The following XYLT1 variants were observed in gnomAD, a reference collection of about 807,000 sequenced individuals.
XYLT1 encodes the protein beta-D-xylosyltransferase 1.
XYLT1 carries 36 observed loss-of-function variants against 91.3 expected under a neutral mutation model. The ratio of observed to expected loss-of-function variants is 0.39; its 90% confidence interval spans 0.30 to 0.52. The LOEUF (loss-of-function observed/expected upper bound fraction) is 0.52. Ranked by LOEUF, XYLT1 falls within the 20% of genes least tolerant of loss-of-function variation. The pLI is 0.68. For missense variants in XYLT1, 1,242 were observed against 1,284.5 expected (o/e 0.97, Z 0.51); for synonymous variants, 588 against 532.0 (o/e 1.11, Z -1.45).
intron 1 of XYLT1, among the ~76,000 whole-genome samples, chr16:17,438,629 T>C (rs901279212): frequency 6.6e-6 from 1 of 152,028 alleles, no homozygotes; most frequent in African/African-American, 2.4e-5. Flanking sequence ...AAAAGAGATT[T>C]AATTGACTCA....
chr16:17,191,249 T>C (rs2032303550), intron 5 of XYLT1, among the ~76,000 whole-genome samples: 2 of 152,228 alleles, frequency 1.3e-5, no homozygotes, highest in Non-Finnish European at 2.9e-5. Context: ...GTGCTACATA[T>C]ACATTTGCTG....
At chr16:17,368,354 G>T (rs1472295991) in intron 1 of XYLT1, among the ~76,000 whole-genome samples, 1 of 152,280 alleles carries the variant, frequency 6.6e-6, no homozygotes, top group South Asian at 2.1e-4. Context: ...CCTGCAGCCT[G>T]TCCCCTCAAC....
intron 2 of XYLT1, among the ~76,000 whole-genome samples, chr16:17,320,230 G>A (rs960059432): frequency 2.0e-5 from 3 of 152,180 alleles, no homozygotes; most frequent in African/African-American, 7.2e-5. Flanking sequence ...GTTTTGATTA[G>A]CAGTGTATTT....
Position 17,467,075 on chromosome 16 carries a change from G to A in XYLT1, c.363+3359C>T, listed in dbSNP as rs544367754. ...GAGTTATCTGAGTAATGTGAAGCAT[G>A]AGGAATTTCTGCCGAAAAATCAACA... On this transcript the variant is annotated intron_variant, in intron 1 of 11. Coordinates refer to ENST00000261381, the MANE Select transcript of XYLT1 (RefSeq NM_022166.4). 1.1e-4 allele frequency among the ~76,000 whole-genome samples: 16 copies of A among 152,200 alleles called. 1 individual carries two copies. The highest frequency in any genetic ancestry group is 1.8e-4 in the Non-Finnish European group (12 of 68,028).
chr16:17,417,272 G>A (rs11863647), intron 1 of XYLT1, among the ~76,000 whole-genome samples: 2,426 of 152,196 alleles, frequency 0.016, 67 homozygotes, highest in African/African-American at 0.056. Context: ...TATTTTACAT[G>A]GGAGAAAAAT....
At chr16:17,214,463 G>A (rs2032818571) in intron 3 of XYLT1, among the ~76,000 whole-genome samples, 1 of 152,156 alleles carries the variant, frequency 6.6e-6, no homozygotes, top group Non-Finnish European at 1.5e-5. Context: ...TGAACCTGGG[G>A]CATTATGTCT....
intron 1 of XYLT1, among the ~76,000 whole-genome samples, chr16:17,399,722 C>G (rs560849080): frequency 2.8e-4 from 43 of 152,320 alleles, no homozygotes; most frequent in African/African-American, 8.9e-4. Flanking sequence ...GGTGTCATCC[C>G]CATGGCAAAA....
intron 2 of XYLT1, among the ~76,000 whole-genome samples, chr16:17,357,386 C>G (rs1014390309): frequency 1.3e-5 from 2 of 152,102 alleles, no homozygotes; most frequent in African/African-American, 4.8e-5. Context: ...GGTGGAATTC[C>G]ACCTGGCTCT....
chr16:17,307,316 C>A (rs188452177), intron 2 of XYLT1, among the ~76,000 whole-genome samples: 1 of 152,162 alleles, frequency 6.6e-6, no homozygotes, highest in Non-Finnish European at 1.5e-5. Flanking sequence ...ACCTCGTGAT[C>A]GGCCCGCTTC....
chr16:17,367,562 T>C (rs1434860691), intron 1 of XYLT1, among the ~76,000 whole-genome samples: 2 of 152,246 alleles, frequency 1.3e-5, no homozygotes, highest in South Asian at 2.1e-4. Flanking sequence ...CCAATGATAC[T>C]ATGTGACTTC....
At chr16:17,454,919 C>G (rs879479125) in intron 1 of XYLT1, among the ~76,000 whole-genome samples, 2 of 104,142 alleles carry the variant, frequency 1.9e-5, no homozygotes, top group Admixed American at 8.8e-5. Flanking sequence ...CCCCGCCCCC[C>G]CCCGCAACTA....
At chr16:17,300,750 C>T (rs933914795) in intron 2 of XYLT1, among the ~76,000 whole-genome samples, 4 of 151,924 alleles carry the variant, frequency 2.6e-5, no homozygotes, top group African/African-American at 9.7e-5. Flanking sequence ...TGAACCACCG[C>T]GCCCAGCCTA....
At chr16:17,174,333 C>T (rs2031892905) in intron 5 of XYLT1, among the ~76,000 whole-genome samples, 1 of 152,118 alleles carries the variant, frequency 6.6e-6, no homozygotes, top group Non-Finnish European at 1.5e-5. Context: ...TTCATGGCAG[C>T]ACTACTCACA....
At position 17,401,962 on chromosome 16, in the gene XYLT1, C is replaced by T. The variant is rs185977043; in HGVS notation, c.364-43912G>A. ...TGCATCAACGCAGTGGTGAATTATG[C>T]GCTAATTAGCAGGATCAGCAGAGAG... On this transcript the variant is annotated intron_variant, in intron 1 of 11. Coordinates refer to ENST00000261381, the MANE Select transcript of XYLT1 (RefSeq NM_022166.4). 2.6e-3 allele frequency among the ~76,000 whole-genome samples: 398 copies of T among 152,158 alleles called. 2 individuals are homozygous for T. Among genetic ancestry groups the T allele is most frequent in the South Asian group, 4.6e-3 (22 of 4,832 alleles).
At chr16:17,321,342 C>CT (rs10606202) in intron 2 of XYLT1, among the ~76,000 whole-genome samples, 1,496 of 43,578 alleles carry the variant, frequency 0.034, 438 homozygotes, top group East Asian at 0.13. Flanking sequence ...ACTAACTAGC[C>CT]TTTTTTTTTT....
intron 5 of XYLT1, among the ~76,000 whole-genome samples, chr16:17,161,437 AC>A (rs796777178): frequency 6.6e-6 from 1 of 151,336 alleles, no homozygotes; most frequent in Non-Finnish European, 1.5e-5. Flanking sequence ...ACCCCTGCCT[AC>A]CCCCCTTGCT....
At chr16:17,140,083 A>G (rs1359707115) in intron 7 of XYLT1, among the ~76,000 whole-genome samples, 3 of 152,320 alleles carry the variant, frequency 2.0e-5, no homozygotes, top group East Asian at 3.9e-4. Flanking sequence ...TGAGGGTGCA[A>G]TCAACCTGGA....
intron 3 of XYLT1, among the ~76,000 whole-genome samples, chr16:17,239,246 CATCCATCCACTCACCCACCCA>C (rs2033298818): frequency 6.6e-6 from 1 of 151,770 alleles, no homozygotes; most frequent in Non-Finnish European, 1.5e-5. Context: ...TCATCTCATT[CATCCATCCACTCACCCACCCA>C]GTCCATCCAT....
chr16:17,196,946 G>A (rs574309665), intron 5 of XYLT1, among the ~76,000 whole-genome samples: 21 of 150,038 alleles, frequency 1.4e-4, no homozygotes, highest in Non-Finnish European at 2.7e-4. Context: ...GGTGGGTGGA[G>A]GCTGCAGCGA....
Sources: allele counts gnomAD v4.1 joint callset (sites outside exome capture counted in the v4.1 genomes callset), GRCh38; gene constraint gnomAD v4.1.1; transcripts MANE v1.5; gene names NCBI Gene and HGNC (gene_info 2026-07-23, HGNC 2026-07-21).